The following SMG6 variants were observed in gnomAD, a reference collection of about 807,000 sequenced individuals.
The protein encoded by SMG6 is telomerase-binding protein EST1A.
SMG6 carries 66 observed loss-of-function variants against 142.2 expected under a neutral mutation model. That is an observed-to-expected ratio of 0.46 (90% CI 0.38 to 0.57). The LOEUF is 0.57. Among genes scored for constraint, SMG6 ranks in the 20% least tolerant of loss-of-function variants. SMG6 has a pLI of 0.00. For synonymous variants in SMG6, 779 were observed against 702.4 expected (o/e 1.11, Z -1.72); for missense variants, 1,793 against 1,832.0 (o/e 0.98, Z 0.39).
In SMG6 at chr17:2,063,706, T is replaced by C. The variant is rs1417802664; in HGVS notation, c.4129+1367A>G. ...AGGCAGGGAGGCTGAGAACTGGCTT[T>C]CAGCCTGGGGAGGAGTTTGGAGGAT... On this transcript the variant is annotated intron_variant, in intron 18 of 18. Coordinates refer to ENST00000263073, the MANE Select transcript of SMG6 (RefSeq NM_017575.5). Among the ~76,000 whole-genome samples the C allele has an allele frequency of 2.6e-5, 4 of 152,356 alleles. No individual in the cohort carries two copies. The East Asian group carries it at 7.7e-4, about 29-fold the overall frequency.
intron 13 of SMG6, among the ~76,000 whole-genome samples, chr17:2,128,494 T>C (rs2069980574): frequency 6.6e-6 from 1 of 152,066 alleles, no homozygotes; most frequent in African/African-American, 2.4e-5. Context: ...ATGTCAACGG[T>C]ATTAACCTAT....
At chr17:2,191,313 G>A (rs1392941667) in intron 10 of SMG6, among the ~76,000 whole-genome samples, 2 of 152,180 alleles carry the variant, frequency 1.3e-5, no homozygotes, top group African/African-American at 4.8e-5. Context: ...CAAGTGGGTA[G>A]GAAAACAGCA....
intron 13 of SMG6, among the ~76,000 whole-genome samples, chr17:2,097,440 A>G (rs1363115912): frequency 1.3e-5 from 2 of 152,118 alleles, no homozygotes; most frequent in Non-Finnish European, 2.9e-5. Flanking sequence ...CCAGCCAATC[A>G]TTTTTATTGT....
At chr17:2,087,363 A>G (rs569508031) in intron 13 of SMG6, 154 of 1,198,828 alleles carry the variant, frequency 1.3e-4, no homozygotes, top group Non-Finnish European at 1.6e-4. Context: ...TGCGGCACAC[A>G]CCGGTCAACT....
intron 10 of SMG6, among the ~76,000 whole-genome samples, chr17:2,210,972 C>G (rs1288399623): frequency 6.6e-6 from 1 of 151,604 alleles, no homozygotes; most frequent in African/African-American, 2.4e-5. Context: ...AAGAGCATTC[C>G]CAAGGATCTC....
chr17:2,096,517 AT>A (rs758041090), intron 13 of SMG6, among the ~76,000 whole-genome samples: 1 of 149,706 alleles, frequency 6.7e-6, no homozygotes, highest in Non-Finnish European at 1.5e-5. Flanking sequence ...CTAATGGCTA[AT>A]TTTTTTTTTG....
chr17:2,208,832 T>C (rs1253316153), intron 10 of SMG6, among the ~76,000 whole-genome samples: 1 of 152,176 alleles, frequency 6.6e-6, no homozygotes, highest in Admixed American at 6.5e-5. Context: ...CAAACATGAA[T>C]ATAAAACCAC....
intron 13 of SMG6, among the ~76,000 whole-genome samples, chr17:2,105,566 A>G (rs2069134565): frequency 6.6e-6 from 1 of 152,042 alleles, no homozygotes; most frequent in African/African-American, 2.4e-5. Context: ...ATAAATAAAT[A>G]AATAACACTT....
At chr17:2,281,005 G>C (rs1331054430) in intron 8 of SMG6, among the ~76,000 whole-genome samples, 1 of 152,146 alleles carries the variant, frequency 6.6e-6, no homozygotes, top group South Asian at 2.1e-4. Flanking sequence ...TCAGGATTTC[G>C]ATCGCATCAC....
chr17:2,230,212 A>G (rs2073437054), intron 10 of SMG6, among the ~76,000 whole-genome samples: 1 of 114,656 alleles, frequency 8.7e-6, no homozygotes, highest in Non-Finnish European at 1.7e-5. Flanking sequence ...AAAAAAAAAA[A>G]AAAAAAAAAG....
At chr17:2,157,521 G>A (rs1285781582) in intron 13 of SMG6, among the ~76,000 whole-genome samples, 1 of 152,136 alleles carries the variant, frequency 6.6e-6, no homozygotes, top group Non-Finnish European at 1.5e-5. Flanking sequence ...AAGTGGAAGG[G>A]AACCACAATT....
intron 10 of SMG6, among the ~76,000 whole-genome samples, chr17:2,202,097 A>G (rs2072545436): frequency 6.6e-6 from 1 of 152,212 alleles, no homozygotes; most frequent in African/African-American, 2.4e-5. Flanking sequence ...TAAAAATGAA[A>G]GCATACATGC....
chr17:2,285,976 G>C (rs1475373865), intron 6 of SMG6, among the ~76,000 whole-genome samples: 1 of 151,766 alleles, frequency 6.6e-6, no homozygotes. Flanking sequence ...ACCTGGCCAA[G>C]ACCCTGTCTA....
chr17:2,205,129 C>T (rs1325196858), intron 10 of SMG6, among the ~76,000 whole-genome samples: 6 of 151,946 alleles, frequency 3.9e-5, no homozygotes, highest in African/African-American at 9.7e-5. Context: ...AGTGCAATGG[C>T]GCGATCTCAG....
intron 15 of SMG6, among the ~76,000 whole-genome samples, chr17:2,070,220 G>A (rs8075233): frequency 0.023 from 3,573 of 152,250 alleles, 143 homozygotes; most frequent in African/African-American, 0.082. Context: ...GCGGCCCTTC[G>A]AGACCGGCTC....
At chr17:2,081,048 A>G (rs1054668284) in intron 15 of SMG6, among the ~76,000 whole-genome samples, 3 of 152,208 alleles carry the variant, frequency 2.0e-5, no homozygotes, top group African/African-American at 7.2e-5. Flanking sequence ...CTGCCTGATC[A>G]CATGCATCAA....
intron 4 of SMG6, among the ~76,000 whole-genome samples, chr17:2,294,635 C>G (rs889246880): frequency 1.3e-5 from 2 of 152,144 alleles, no homozygotes; most frequent in African/African-American, 4.8e-5. Context: ...CGGCCTTCAG[C>G]GTTAGTTTAA....
intron 14 of SMG6, among the ~76,000 whole-genome samples, chr17:2,082,665 C>A (rs1041840988): frequency 6.6e-6 from 1 of 152,248 alleles, no homozygotes; most frequent in East Asian, 1.9e-4. Flanking sequence ...CACCTCCCTA[C>A]TTGCAGCCTC....
At chr17:2,250,219 G>A (rs968338215) in intron 8 of SMG6, among the ~76,000 whole-genome samples, 1 of 152,104 alleles carries the variant, frequency 6.6e-6, no homozygotes, top group Non-Finnish European at 1.5e-5. Flanking sequence ...CGAAAGAGTC[G>A]TTCCTGCTTC....
Sources: allele counts gnomAD v4.1 joint callset (sites outside exome capture counted in the v4.1 genomes callset), GRCh38; gene constraint gnomAD v4.1.1; transcripts MANE v1.5; gene names NCBI Gene and HGNC (gene_info 2026-07-23, HGNC 2026-07-21).